The following ATP8B4 variants were observed in gnomAD, a reference collection of about 807,000 sequenced individuals.
ATP8B4 encodes the protein ATPase phospholipid transporting 8B4 (putative).
ATP8B4 carries 133 observed loss-of-function variants against 145.6 expected under a neutral mutation model. That is an observed-to-expected ratio of 0.91 (90% CI 0.79 to 1.05). The LOEUF (loss-of-function observed/expected upper bound fraction) is 1.05. ATP8B4 is among the 50% of genes least tolerant of loss of function. The pLI is 0.00. For synonymous variants in ATP8B4, 507 were observed against 492.9 expected, an observed-to-expected ratio of 1.03 and a Z score of -0.38; for missense variants, 1,458 against 1,425.2, an observed-to-expected ratio of 1.02 and a Z score of -0.37.
chr15:49,873,420 T>A (rs2033936865), intron 25 of ATP8B4, among the ~76,000 whole-genome samples: 1 of 152,200 alleles, frequency 6.6e-6, no homozygotes, highest in African/African-American at 2.4e-5. Flanking sequence ...TTATGGCATA[T>A]TCATACGGTG....
intron 2 of ATP8B4, among the ~76,000 whole-genome samples, chr15:50,095,706 G>A (rs947860979): frequency 3.3e-5 from 5 of 151,666 alleles, no homozygotes; most frequent in Admixed American, 3.3e-4. Context: ...AGTGAGCTAT[G>A]ATCACCACTG....
intron 21 of ATP8B4, 136 bp from the exon 22 acceptor site, chr15:49,898,387 T>C (rs2037653175): frequency 1.5e-5 from 14 of 959,162 alleles, no homozygotes; most frequent in Non-Finnish European, 1.8e-5. Flanking sequence ...AAAGTCATTG[T>C]TGATTCAGAA....
chr15:50,039,038 A>C (rs988537131), intron 5 of ATP8B4, among the ~76,000 whole-genome samples: 2 of 152,208 alleles, frequency 1.3e-5, no homozygotes, highest in African/African-American at 4.8e-5. Flanking sequence ...GGATGTCACC[A>C]ATGAAACAAC....
At chr15:50,040,975 G>A (rs1264796311) in intron 5 of ATP8B4, among the ~76,000 whole-genome samples, 1 of 152,174 alleles carries the variant, frequency 6.6e-6, no homozygotes, top group African/African-American at 2.4e-5. Context: ...CATTGGCCAT[G>A]TTATACAGAA....
At chr15:50,115,822 T>C (rs1227404304) in intron 1 of ATP8B4, among the ~76,000 whole-genome samples, 4 of 152,220 alleles carry the variant, frequency 2.6e-5, no homozygotes, top group African/African-American at 9.6e-5. Context: ...GAATTACCGT[T>C]ATCCCCATTT....
intron 13 of ATP8B4, among the ~76,000 whole-genome samples, chr15:49,965,123 A>G (rs1294984459): frequency 6.6e-6 from 1 of 152,348 alleles, no homozygotes; most frequent in East Asian, 1.9e-4. Context: ...GTGGAAGTCC[A>G]GGTTGGAAAT....
chr15:50,038,624 T>A, intron 6 of ATP8B4, 144 bp downstream of exon 6: 1 of 646,634 alleles, frequency 1.5e-6, no homozygotes, highest in Non-Finnish European at 2.6e-6. Flanking sequence ...GCCATGAAGA[T>A]AAAATGGAAT....
At chr15:49,938,185 A>G (rs769080626) in intron 14 of ATP8B4, among the ~76,000 whole-genome samples, 41 of 152,230 alleles carry the variant, frequency 2.7e-4, no homozygotes, top group Non-Finnish European at 5.1e-4. Flanking sequence ...GAGTGTGGCA[A>G]TTAAGTACAT....
At chr15:49,941,322 G>T (rs1403292747) in intron 14 of ATP8B4, among the ~76,000 whole-genome samples, 3 of 152,078 alleles carry the variant, frequency 2.0e-5, no homozygotes. Context: ...ACTAAACAAG[G>T]AATTCCAGAG....
At chr15:50,156,015 T>TAA (rs199580857) in intron 1 of ATP8B4, among the ~76,000 whole-genome samples, 1 of 133,122 alleles carries the variant, frequency 7.5e-6, no homozygotes, top group African/African-American at 2.7e-5. Flanking sequence ...CTGACTGGTA[T>TAA]AAAAAAAAAA....
At chr15:50,060,942 CT>C (rs1384161665) in intron 3 of ATP8B4, among the ~76,000 whole-genome samples, 4 of 152,090 alleles carry the variant, frequency 2.6e-5, no homozygotes, top group African/African-American at 9.7e-5. Context: ...TTGCATGCAG[CT>C]TTTTCAAAAG....
chr15:49,936,831 T>C (rs750225804), intron 14 of ATP8B4, among the ~76,000 whole-genome samples: 1 of 152,114 alleles, frequency 6.6e-6, no homozygotes, highest in Non-Finnish European at 1.5e-5. Context: ...TATTCTCTGA[T>C]GTTCTGAGTC....
At chr15:49,921,693 T>C (rs1163679957) in intron 17 of ATP8B4, among the ~76,000 whole-genome samples, 6 of 152,354 alleles carry the variant, frequency 3.9e-5, no homozygotes, top group Admixed American at 3.3e-4. Context: ...TAGGTTAAAC[T>C]GTGAGATACT....
intron 7 of ATP8B4, among the ~76,000 whole-genome samples, chr15:50,003,546 A>G (rs1019785424): frequency 6.6e-6 from 1 of 152,154 alleles, no homozygotes; most frequent in African/African-American, 2.4e-5. Flanking sequence ...TTTAAAGGAA[A>G]AAAAAATTTT....
intron 2 of ATP8B4, among the ~76,000 whole-genome samples, chr15:50,089,407 A>G (rs2055442167): frequency 6.6e-6 from 1 of 152,206 alleles, no homozygotes; most frequent in Admixed American, 6.5e-5. Flanking sequence ...CCCAGAATCT[A>G]TAAGGAACTT....
At chr15:49,993,271 T>C (rs2047175594) in intron 9 of ATP8B4, among the ~76,000 whole-genome samples, 1 of 150,226 alleles carries the variant, frequency 6.7e-6, no homozygotes, top group South Asian at 2.1e-4. Context: ...CAAAAAGAAG[T>C]GAAGGAAGAC....
At chr15:49,933,405 A>G (rs2041443452) in intron 15 of ATP8B4, among the ~76,000 whole-genome samples, 1 of 152,068 alleles carries the variant, frequency 6.6e-6, no homozygotes, top group South Asian at 2.1e-4. Flanking sequence ...TCACTATACC[A>G]TTATCTACCT....
intron 1 of ATP8B4, among the ~76,000 whole-genome samples, chr15:50,181,028 C>T (rs1222371416): frequency 1.3e-5 from 2 of 152,156 alleles, no homozygotes; most frequent in Non-Finnish European, 2.9e-5. Flanking sequence ...GATACCATTT[C>T]CAAAACCCAC....
chr15:50,022,103 A>C (rs2049622987), intron 6 of ATP8B4, among the ~76,000 whole-genome samples: 1 of 152,148 alleles, frequency 6.6e-6, no homozygotes, highest in South Asian at 2.1e-4. Flanking sequence ...AAAAAGTGGA[A>C]AGCAAAATTG....
Sources: allele counts gnomAD v4.1 joint callset (sites outside exome capture counted in the v4.1 genomes callset), GRCh38; gene constraint gnomAD v4.1.1; transcripts MANE v1.5; gene names NCBI Gene and HGNC (gene_info 2026-07-23, HGNC 2026-07-21).